The following USP28 variants were observed in gnomAD, a reference collection of about 807,000 sequenced individuals.
USP28 encodes the protein ubiquitin carboxyl-terminal hydrolase 28.
In USP28, 113 loss-of-function variants were observed where a neutral mutation model predicts 145.0. The observed-to-expected ratio is 0.78, with a 90% CI of 0.67 to 0.91. The LOEUF is 0.91. USP28 is among the 40% of genes least tolerant of loss of function. The pLI is 0.00. For missense variants in USP28, 1,201 were observed against 1,289.6 expected (o/e 0.93, Z 1.05); for synonymous variants, 447 against 450.9 (o/e 0.99, Z 0.11).
At chr11:113,817,548 C>T in intron 13 of USP28, 110 bp downstream of exon 13, 1 of 1,270,458 alleles carries the variant, frequency 7.9e-7, no homozygotes, top group Non-Finnish European at 1.1e-6. Context: ...AAAGAGCTCA[C>T]AGCTCCTGTG....
At chr11:113,822,457 ACAG>A (rs1942752579) in intron 12 of USP28, 1 of 110,988 alleles carries the variant, frequency 9.0e-6, no homozygotes, top group African/African-American at 3.2e-5. Context: ...TTCAAAAAAA[ACAG>A]AGAGAGAGAG....
At chr11:113,843,491 G>A (rs1419749823) in intron 3 of USP28, among the ~76,000 whole-genome samples, 1 of 151,610 alleles carries the variant, frequency 6.6e-6, no homozygotes, top group Non-Finnish European at 1.5e-5. Flanking sequence ...GACCAACAAG[G>A]ATAAACCCCC....
At chr11:113,841,822 T>C (rs979683478) in intron 3 of USP28, 54 bp from the exon 4 acceptor site, 6 of 1,246,124 alleles carry the variant, frequency 4.8e-6, no homozygotes, top group Admixed American at 2.1e-5. Flanking sequence ...ACTGCCCTTC[T>C]GTAATATAAG....
chr11:113,834,151 A>C, intron 6 of USP28, 98 bp downstream of exon 6: 1 of 832,632 alleles, frequency 1.2e-6, no homozygotes, highest in Non-Finnish European at 1.9e-6. Flanking sequence ...AGCACAAGCC[A>C]AAGAGTATCA....
chr11:113,819,076 G>C (rs1942199001), intron 12 of USP28, among the ~76,000 whole-genome samples: 1 of 151,328 alleles, frequency 6.6e-6, no homozygotes, highest in South Asian at 2.1e-4. Flanking sequence ...AATATATCAA[G>C]GTTATCTTAC....
intron 18 of USP28, 127 bp downstream of exon 19, chr11:113,807,824 G>T: frequency 1.7e-6 from 1 of 593,416 alleles, no homozygotes; most frequent in Non-Finnish European, 2.1e-6. Flanking sequence ...AAACCAAATA[G>T]GCTTTCTTGA....
intron 11 of USP28, among the ~76,000 whole-genome samples, chr11:113,826,476 ATT>A (rs538682333): frequency 2.8e-5 from 4 of 141,358 alleles, no homozygotes; most frequent in African/African-American, 1.0e-4. Context: ...CACCCAGCTA[ATT>A]TTTTTTTTTT....
At chr11:113,832,045 T>A in intron 7 of USP28, 52 bp from the exon 8 acceptor site, 1 of 1,439,178 alleles carries the variant, frequency 6.9e-7, no homozygotes, top group Non-Finnish European at 9.7e-7. Context: ...CTAAGAGAAA[T>A]TAAAATTTAT....
chr11:113,850,502 A>G (rs1946335329), intron 3 of USP28, among the ~76,000 whole-genome samples: 1 of 152,224 alleles, frequency 6.6e-6, no homozygotes, highest in African/African-American at 2.4e-5. Context: ...AGTGTGTACC[A>G]AGAGAAACAT....
At chr11:113,818,495 T>A (rs1435429318) in intron 12 of USP28, among the ~76,000 whole-genome samples, 2 of 152,196 alleles carry the variant, frequency 1.3e-5, no homozygotes, top group Non-Finnish European at 2.9e-5. Context: ...TTTGCTGCAT[T>A]TTAATACAAT....
At chr11:113,843,409 T>C (rs1311895006) in intron 3 of USP28, among the ~76,000 whole-genome samples, 3 of 151,964 alleles carry the variant, frequency 2.0e-5, no homozygotes, top group East Asian at 3.9e-4. Flanking sequence ...CAGTGGCTCA[T>C]GCCTATAATC....
intron 12 of USP28, chr11:113,821,238 C>T (rs997367325): frequency 4.5e-6 from 1 of 223,474 alleles, no homozygotes. Context: ...CCTGGTCTGG[C>T]AGTCCACAGT....
chr11:113,863,018 T>C (rs1353526788), intron 1 of USP28, among the ~76,000 whole-genome samples: 2 of 152,136 alleles, frequency 1.3e-5, no homozygotes, highest in Admixed American at 1.3e-4. Flanking sequence ...TATTCAACAC[T>C]GTACTGGAAG....
chr11:113,823,729 T>G, intron 11 of USP28, 29 bp from the exon 12 acceptor site: 1 of 1,528,094 alleles, frequency 6.5e-7, no homozygotes, highest in Admixed American at 1.9e-5. Context: ...AAACACAATT[T>G]ATATTATAAA....
At chr11:113,817,749 A>G in exon 13 of USP28, 1 of 1,614,190 alleles carries the variant, frequency 6.2e-7, no homozygotes, top group Non-Finnish European at 8.5e-7. Context: ...CAGCTTTCTG[A>G]GGCAGGTTTT....
exon 10 of USP28, chr11:113,829,307 G>T: frequency 6.2e-7 from 1 of 1,614,078 alleles, no homozygotes; most frequent in Non-Finnish European, 8.5e-7. Context: ...ACCTGAAGAG[G>T]ATACTGGCCG....
chr11:113,840,780 C>G (rs1396415985), intron 4 of USP28, 23 bp from the exon 5 acceptor site: 1 of 1,592,712 alleles, frequency 6.3e-7, no homozygotes, highest in South Asian at 1.1e-5. Context: ...GCGTGCCACA[C>G]AGCAAAAAAG....
chr11:113,820,781 T>C (rs1011155127), intron 12 of USP28: 1 of 152,858 alleles, frequency 6.5e-6, no homozygotes, highest in African/African-American at 2.4e-5. Flanking sequence ...AGTTGAGATG[T>C]CCATTGGTCC....
chr11:113,808,866 A>C lies in USP28; in HGVS notation c.2164+197T>G, dbSNP rs1488211982. The stretch of plus-strand genomic sequence containing the variant: ...AGGTCACAGGTAGTTAGTCTTTCTG[A>C]TACTGCTTCTGTTCATCAGAAATCA... On this transcript the variant is annotated intron_variant, in intron 17 of 24. Transcript: ENST00000003302. Among the ~76,000 whole-genome samples the C allele has an allele frequency of 3.9e-5, 6 of 152,220 alleles. 1 individual carries two copies. Among genetic ancestry groups the C allele is most frequent in the Admixed American group, 3.9e-4 (6 of 15,288 alleles).
Sources: allele counts gnomAD v4.1 joint callset (sites outside exome capture counted in the v4.1 genomes callset), GRCh38; gene constraint gnomAD v4.1.1; transcripts MANE v1.5; gene names NCBI Gene and HGNC (gene_info 2026-07-23, HGNC 2026-07-21).